FLT3: variants seen among roughly 807,000 people sequenced by gnomAD.
FLT3 encodes receptor-type tyrosine-protein kinase FLT3.
Under a neutral mutation model 126.6 loss-of-function variants are expected in FLT3, and 46 were observed. The ratio of observed to expected loss-of-function variants is 0.36; its 90% confidence interval spans 0.29 to 0.46. FLT3 has a LOEUF of 0.46. Ranked by LOEUF, FLT3 falls within the 20% of genes least tolerant of loss-of-function variation. The pLI, the probability that FLT3 is intolerant of heterozygous loss-of-function variation, is 1.00. For missense variants in FLT3, 1,069 were observed against 1,190.3 expected (o/e 0.90, Z 1.50); for synonymous variants, 404 against 434.4 (o/e 0.93, Z 0.87).
At chr13:28,029,637 C>T (rs1477448389) in intron 15 of FLT3, among the ~76,000 whole-genome samples, 3 of 152,158 alleles carry the variant, frequency 2.0e-5, no homozygotes, top group Non-Finnish European at 2.9e-5. Flanking sequence ...AGAGAGATAA[C>T]AGTGTCGTGA....
Position 28,048,508 on chromosome 13 carries a change from A to G in FLT3, c.1037-65T>C, listed in dbSNP as rs2137724684. 1.7e-5 allele frequency: 19 copies of G among 1,116,166 alleles called. No individual in the cohort carries two copies. The South Asian group carries it at 1.8e-4, about 11-fold the overall frequency. The allele number at this position is 1,116,166 out of a possible 1,614,324, so 69.1% of individuals were successfully genotyped here. On this transcript the variant is annotated intron_variant, in intron 8 of 23. Coordinates refer to ENST00000241453, the MANE Select transcript of FLT3 (RefSeq NM_004119.3). Reference sequence around the variant, plus strand: ...ATTCATAGGGAAACGTATTGAGAAGATAAAATAAACTTGTATTCATCAGTT... The same window carrying G: ...ATTCATAGGGAAACGTATTGAGAAGGTAAAATAAACTTGTATTCATCAGTT...
chr13:28,048,482 T>C, intron 8 of FLT3, 39 bp from the exon 9 acceptor site: 2 of 1,305,394 alleles, frequency 1.5e-6, no homozygotes, highest in Non-Finnish European at 2.2e-6. Context: ...TAGTTAATAA[T>C]ATTCATAGGG....
At chr13:28,014,601 TG>T in intron 22 of FLT3, 44 bp from the exon 23 acceptor site, 1 of 1,285,672 alleles carries the variant, frequency 7.8e-7, no homozygotes, top group Middle Eastern at 1.9e-4. Flanking sequence ...GAAGTCTGAA[TG>T]AAGCAAAATG....
In FLT3 at chr13:28,061,982, C is replaced by T. The variant is rs1876608151; in HGVS notation, c.253G>A (p.Val85Ile). ...ACTTGCAGTGTGATGGAAGCAGATA[C>T]ATCCACTTCCACAGCGGCAGCTTCG... is the stretch of plus-strand genomic sequence containing the variant. ...VYEAAAVEVD[V>I]SASITLQVLV... Residue 85 changes from valine to isoleucine, a missense_variant, in exon 3 of 24, where the codon GTA becomes ATA. By Grantham distance (29) the Val-to-Ile change is conservative. Transcript: ENST00000241453. The T allele has an allele frequency of 1.2e-6, 2 of 1,612,610 alleles. No individual in the cohort carries two copies. Among genetic ancestry groups the T allele is most frequent in the South Asian group, 1.1e-5 (1 of 91,040 alleles).
intron 19 of FLT3, among the ~76,000 whole-genome samples, chr13:28,019,649 C>A (rs548270601): frequency 3.1e-4 from 47 of 152,264 alleles, no homozygotes; most frequent in African/African-American, 1.1e-3. Flanking sequence ...GGTCTGCAAC[C>A]TGCCTCCTCC....
chr13:28,019,340 A>G (rs2137627673), intron 19 of FLT3, among the ~76,000 whole-genome samples: 1 of 152,218 alleles, frequency 6.6e-6, no homozygotes, highest in Non-Finnish European at 1.5e-5. Flanking sequence ...TCGGAAAAAC[A>G]AAAAGCTAAA....
chr13:28,056,109 G>T (rs1282176230), intron 4 of FLT3, among the ~76,000 whole-genome samples: 1 of 152,086 alleles, frequency 6.6e-6, no homozygotes, highest in Admixed American at 6.6e-5. Context: ...ATGCTTCTGG[G>T]ACTCTTGCGT....
intron 10 of FLT3, 42 bp downstream of exon 10, chr13:28,037,143 G>T: frequency 8.6e-7 from 1 of 1,168,800 alleles, no homozygotes; most frequent in South Asian, 1.2e-5. Flanking sequence ...AAAAATTAAG[G>T]AATTAAAAAA....
chr13:28,048,283 G>A lies in FLT3; in HGVS notation c.1197C>T (p.Asn399=), dbSNP rs759674820. The A allele has an allele frequency of 1.6e-5, 25 of 1,612,804 alleles. No individual in the cohort carries two copies. Among genetic ancestry groups the A allele is most frequent in the South Asian group, 9.9e-5 (9 of 90,834 alleles). The change falls in exon 9 of 24, where the codon AAC becomes AAT. Residue 399 remains asparagine (N), a synonymous_variant. Transcript: ENST00000241453. ...SFPCEQKGLD[N]GYSISKFCNH... is the part of the protein sequence containing the mutation. ...GTCCTTTGTGGTCTCACCTGTATCC[G>A]TTATCAAGACCCTTTTGCTCACAAG...
At chr13:28,025,495 T>C in intron 17 of FLT3, 1 of 347,142 alleles carries the variant, frequency 2.9e-6, no homozygotes, top group Non-Finnish European at 5.6e-6. Flanking sequence ...TCTGTAGGAA[T>C]TATAAGTAGA....
rs980046447 is a variant in FLT3, at chr13:28,015,102, T to C, written c.2753+55A>G. On this transcript the variant is annotated intron_variant, in intron 22 of 23. Coordinates refer to ENST00000241453, the MANE Select transcript of FLT3 (RefSeq NM_004119.3). ...CTTTTTTTGGTCATGCATTTGGAAG[T>C]AGACAGACTGTACCTTTCTGATTTC... 13 of 1,106,730 alleles carry C rather than the reference T, an allele frequency of 1.2e-5. No homozygotes were observed. The African/African-American group carries it at 1.6e-4, about 13-fold the overall frequency. The allele number at this position is 1,106,730 out of a possible 1,614,324, so 68.6% of individuals were successfully genotyped here. A position where few individuals can be genotyped will look rare whatever the true frequency, so the allele number is the denominator to read the frequency against.
At chr13:28,027,479 C>T (rs1356979682) in intron 16 of FLT3, among the ~76,000 whole-genome samples, 1 of 152,186 alleles carries the variant, frequency 6.6e-6, no homozygotes, top group African/African-American at 2.4e-5. Context: ...GTATGTGTGG[C>T]CTCACCAATA....
chr13:28,081,466 C>G (rs952664456), intron 1 of FLT3, among the ~76,000 whole-genome samples: 1 of 152,136 alleles, frequency 6.6e-6, no homozygotes, highest in Non-Finnish European at 1.5e-5. Context: ...ATCCTGCAAA[C>G]TTACAGAACT....
At position 28,093,101 on chromosome 13, in the gene FLT3, T is replaced by A. The variant is rs1018547743; in HGVS notation, c.43+7367A>T. 2.6e-5 allele frequency among the ~76,000 whole-genome samples: 4 copies of A among 151,936 alleles called. No homozygotes were observed. In the South Asian group the frequency reaches 8.3e-4, roughly 32 times the overall value. On this transcript the variant is annotated intron_variant, in intron 1 of 23. Transcript: ENST00000241453. ...CACATCTGGCTAACTTTTTTTGTATTTTTTTATAGAAATGGGGTTTTGCCA... is the reference window on the plus strand; with the variant it reads ...CACATCTGGCTAACTTTTTTTGTATATTTTTATAGAAATGGGGTTTTGCCA...
chr13:28,070,852 C>T (rs890208322), intron 1 of FLT3, among the ~76,000 whole-genome samples: 2 of 152,116 alleles, frequency 1.3e-5, no homozygotes, highest in Non-Finnish European at 2.9e-5. Context: ...TATGCCTGTG[C>T]TGTCTAATAT....
At chr13:28,050,850 A>G (rs939985227) in intron 5 of FLT3, among the ~76,000 whole-genome samples, 17 of 152,046 alleles carry the variant, frequency 1.1e-4, no homozygotes, top group Middle Eastern at 3.4e-3. Context: ...TTTAAAAAAA[A>G]AAAAGTTGTT....
chr13:28,015,508 TG>T, intron 21 of FLT3, 81 bp downstream of exon 21: 5 of 413,912 alleles, frequency 1.2e-5, no homozygotes, highest in Admixed American at 3.8e-5. Context: ...CCATCAGTGT[TG>T]GGGGGAGGGG....
chr13:28,060,440 T>C (rs1386331883), intron 3 of FLT3, among the ~76,000 whole-genome samples: 50 of 134,680 alleles, frequency 3.7e-4, no homozygotes, highest in Non-Finnish European at 1.9e-4. Flanking sequence ...AAAAAAATTC[T>C]TAATTGTAAA....
At chr13:28,091,461 T>C (rs1455862347) in intron 1 of FLT3, among the ~76,000 whole-genome samples, 1 of 151,214 alleles carries the variant, frequency 6.6e-6, no homozygotes, top group African/African-American at 2.4e-5. Context: ...GACCTCGTGA[T>C]CCGCCCGCCT....
Sources: allele counts gnomAD v4.1 joint callset (sites outside exome capture counted in the v4.1 genomes callset), GRCh38; gene constraint gnomAD v4.1.1; transcripts MANE v1.5; gene names NCBI Gene and HGNC (gene_info 2026-07-23, HGNC 2026-07-21).